Variants in ZSCAN5A observed in about 807,000 individuals in gnomAD.
ZSCAN5A encodes the protein zinc finger and SCAN domain containing 5A, also known as zinc finger and SCAN domain-containing protein 5A.
In ZSCAN5A, 12 loss-of-function variants were observed where a neutral mutation model predicts 23.7. The ratio of observed to expected loss-of-function variants is 0.51; its 90% confidence interval spans 0.32 to 0.82. The LOEUF (loss-of-function observed/expected upper bound fraction) is 0.82. Among genes scored for constraint, ZSCAN5A ranks in the 40% least tolerant of loss-of-function variants. The pLI is 0.03. For missense variants in ZSCAN5A, 597 were observed against 617.9 expected (o/e 0.97, Z 0.36); for synonymous variants, 257 against 239.9 (o/e 1.07, Z -0.66).
intron 2 of ZSCAN5A, chr19:56,301,928 G>C (rs1034715390): frequency 4.1e-6 from 5 of 1,231,858 alleles, no homozygotes; most frequent in Non-Finnish European, 5.1e-6. Context: ...GGCAGGAAGG[G>C]AAGGCCATCA....
intron 2 of ZSCAN5A, chr19:56,304,797 AC>A (rs2040576372): frequency 1.0e-6 from 1 of 985,244 alleles, no homozygotes; most frequent in Non-Finnish European, 1.2e-6. Flanking sequence ...CCCAAGTGTT[AC>A]TGCCACTACT....
chr19:56,260,728 A>G (rs1477385252), intron 2 of ZSCAN5A, among the ~76,000 whole-genome samples: 1 of 152,188 alleles, frequency 6.6e-6, no homozygotes, highest in Non-Finnish European at 1.5e-5. Flanking sequence ...AGTAATACTA[A>G]GGATACACAT....
chr19:56,273,529 A>G (rs1444896534), intron 2 of ZSCAN5A, among the ~76,000 whole-genome samples: 1 of 152,168 alleles, frequency 6.6e-6, no homozygotes, highest in Non-Finnish European at 1.5e-5. Flanking sequence ...GGGGATTCGG[A>G]GATGGCCTCT....
At chr19:56,226,579 G>T (rs1056692259) in intron 2 of ZSCAN5A, among the ~76,000 whole-genome samples, 5 of 152,154 alleles carry the variant, frequency 3.3e-5, no homozygotes, top group Non-Finnish European at 5.9e-5. Flanking sequence ...TGTTGGTGAG[G>T]ATTTGGGGGA....
At position 56,351,458 on chromosome 19, in the gene ZSCAN5A, G is replaced by A. The variant is rs1010801881; in HGVS notation, c.-358+11777C>T. On this transcript the variant is annotated intron_variant, in intron 2 of 6. Coordinates refer to the ZSCAN5A transcript ENST00000587340. The surrounding 1 kb of genome is among the most constrained non-coding windows in gnomAD (Gnocchi z 4.8). ...CTACATGAATAACACACCTGGTCAA[G>A]CCAATCCTTTGGGCCCTATGCAAAC... Among the ~76,000 whole-genome samples the A allele has an allele frequency of 6.6e-6, 1 of 152,242 alleles. No individual in the cohort carries two copies.
chr19:56,233,934 C>T (rs1434207803), intron 2 of ZSCAN5A, among the ~76,000 whole-genome samples: 4 of 152,058 alleles, frequency 2.6e-5, no homozygotes, highest in East Asian at 1.9e-4. Flanking sequence ...ACCGTGAGCA[C>T]GCACAGTAAC....
intron 2 of ZSCAN5A, chr19:56,245,360 G>A (rs1600079593): frequency 1.3e-6 from 1 of 752,914 alleles, no homozygotes; most frequent in South Asian, 1.4e-5. Context: ...GATGCGTCCG[G>A]GGGAAGGCCA....
chr19:56,257,585 GCTCCTACCTCCTACCACT>G, intron 2 of ZSCAN5A, among the ~76,000 whole-genome samples: 1 of 148,040 alleles, frequency 6.8e-6, no homozygotes, highest in African/African-American at 2.5e-5. Context: ...TTCACACCTG[GCTCCTACCTCCTACCACT>G]GCCCATCTTC....
intron 2 of ZSCAN5A, among the ~76,000 whole-genome samples, chr19:56,239,038 A>G (rs1006898997): frequency 6.6e-6 from 1 of 152,260 alleles, no homozygotes; most frequent in East Asian, 1.9e-4. Context: ...AATAAGTGTC[A>G]GAACTTTTTG....
At chr19:56,245,251 T>C in intron 2 of ZSCAN5A, 1 of 662,656 alleles carries the variant, frequency 1.5e-6, no homozygotes, top group East Asian at 2.9e-5. Flanking sequence ...GCAAGGAATA[T>C]CTTATGCAGG....
At chr19:56,353,508 G>C (rs1039814732) in intron 2 of ZSCAN5A, among the ~76,000 whole-genome samples, 1 of 152,126 alleles carries the variant, frequency 6.6e-6, no homozygotes, top group South Asian at 2.1e-4. Context: ...GGTGGCTCAC[G>C]CCTGTAATCC....
At chr19:56,342,125 T>G (rs2041597580) in intron 2 of ZSCAN5A, among the ~76,000 whole-genome samples, 1 of 152,128 alleles carries the variant, frequency 6.6e-6, no homozygotes, top group Non-Finnish European at 1.5e-5. Context: ...ACATAAAAGT[T>G]TTTGATTTGC....
At chr19:56,308,318 G>A (rs1443472779) in intron 2 of ZSCAN5A, among the ~76,000 whole-genome samples, 1 of 142,614 alleles carries the variant, frequency 7.0e-6, no homozygotes, top group African/African-American at 2.6e-5. Flanking sequence ...AGGCGTGAGC[G>A]GTGGCTCCCA....
At chr19:56,246,011 C>T (rs564199887) in intron 2 of ZSCAN5A, among the ~76,000 whole-genome samples, 3 of 152,252 alleles carry the variant, frequency 2.0e-5, no homozygotes, top group African/African-American at 4.8e-5. Context: ...GAGTCATGCT[C>T]CTTCCAGTGT....
intron 2 of ZSCAN5A, among the ~76,000 whole-genome samples, chr19:56,227,516 G>A (rs1481430510): frequency 1.3e-5 from 2 of 152,170 alleles, no homozygotes; most frequent in South Asian, 4.1e-4. Context: ...AAAGAAAGTG[G>A]TTTCATGTTC....
chr19:56,319,653 G>A (rs987195515), upstream of ZSCAN5A: 17 of 557,126 alleles, frequency 3.1e-5, no homozygotes, highest in Admixed American at 4.9e-4. Flanking sequence ...AAGCAGATAT[G>A]CTCAAAAGAA....
At chr19:56,244,304 G>T in intron 2 of ZSCAN5A, 4 of 1,609,738 alleles carry the variant, frequency 2.5e-6, no homozygotes, top group Non-Finnish European at 3.4e-6. Context: ...GGACATGCTG[G>T]TGATGGAGCA....
intron 2 of ZSCAN5A, among the ~76,000 whole-genome samples, chr19:56,251,148 TAAAAA>T (rs34825803): frequency 1.5e-5 from 2 of 131,048 alleles, no homozygotes; most frequent in Admixed American, 7.6e-5. Context: ...AGACTCCGTG[TAAAAA>T]AAAAAAAAAA....
intron 2 of ZSCAN5A, among the ~76,000 whole-genome samples, chr19:56,349,704 CAAAAAA>C (rs3059533): frequency 6.1e-4 from 19 of 30,942 alleles, no homozygotes; most frequent in African/African-American, 1.9e-3. Flanking sequence ...AACTCCGTCT[CAAAAAA>C]AAAAAAAAAA....
Sources: gnomAD v4.1 joint callset for allele counts (sites outside exome capture counted in the v4.1 genomes callset) on GRCh38, gnomAD v4.1.1 for gene constraint, Gnocchi (gnomAD v3.1) non-coding constraint, MANE v1.5 for transcripts, NCBI Gene and HGNC (gene_info 2026-07-23, HGNC 2026-07-21) for gene names.